The following PRKG1 variants were observed in gnomAD, a reference collection of about 807,000 sequenced individuals.
PRKG1 encodes protein kinase cGMP-dependent 1.
In PRKG1, 35 loss-of-function variants were observed where a neutral mutation model predicts 88.1. The ratio of observed to expected loss-of-function variants is 0.40; its 90% confidence interval spans 0.30 to 0.53. The LOEUF is 0.53. Ranked by LOEUF, PRKG1 falls within the 20% of genes least tolerant of loss-of-function variation. The pLI, the probability that PRKG1 is intolerant of heterozygous loss-of-function variation, is 0.59. For missense variants in PRKG1, 540 were observed against 839.8 expected, an observed-to-expected ratio of 0.64 and a Z score of 4.41; for synonymous variants, 303 against 292.5, an observed-to-expected ratio of 1.04 and a Z score of -0.37.
intron 3 of PRKG1, among the ~76,000 whole-genome samples, chr10:51,520,235 G>A (rs369803142): frequency 1.3e-5 from 2 of 148,458 alleles, no homozygotes; most frequent in African/African-American, 2.5e-5. Context: ...TGTATATTGT[G>A]TATATACATA....
chr10:52,144,655 A>C (rs1186790252), intron 8 of PRKG1, among the ~76,000 whole-genome samples: 1 of 152,094 alleles, frequency 6.6e-6, no homozygotes, highest in African/African-American at 2.4e-5. Context: ...AACCAAAAAT[A>C]CAAAAATTAG....
At chr10:51,819,179 G>A (rs1379166535) in intron 4 of PRKG1, among the ~76,000 whole-genome samples, 1 of 152,052 alleles carries the variant, frequency 6.6e-6, no homozygotes. Context: ...GGTGGAAGGT[G>A]AAGGGGAGAA....
chr10:52,211,580 C>T (rs534041530), intron 9 of PRKG1, among the ~76,000 whole-genome samples: 11 of 151,158 alleles, frequency 7.3e-5, no homozygotes, highest in African/African-American at 2.2e-4. Context: ...AATAGATTTT[C>T]ACAATATATA....
At chr10:51,530,675 G>A (rs1034143017) in intron 3 of PRKG1, among the ~76,000 whole-genome samples, 2 of 152,146 alleles carry the variant, frequency 1.3e-5, no homozygotes, top group East Asian at 3.8e-4. Flanking sequence ...TGGGTCCCAT[G>A]TGCCTTAATG....
At position 50,994,442 on chromosome 10, in the gene PRKG1, C is replaced by A. The variant is rs1842813072; in HGVS notation, c.266+2798C>A. Among the ~76,000 whole-genome samples the A allele has an allele frequency of 2.5e-5, 3 of 121,408 alleles. 1 individual carries two copies. In the South Asian group the frequency reaches 8.3e-4, roughly 33 times the overall value. The allele number at this position is 121,408 out of a possible 152,430, so 79.6% of individuals were successfully genotyped here. ...TTTTTTTTTTTGAGGCGGAGTCTCG[C>A]TCTGTCGCCCAGGCTGGAGTGGAGT... On this transcript the variant is annotated intron_variant, in intron 1 of 17. Transcript: ENST00000401604.
chr10:51,497,079 C>A (rs10997802), intron 3 of PRKG1, among the ~76,000 whole-genome samples: 40,546 of 151,988 alleles, frequency 0.27, 5,734 homozygotes, highest in Admixed American at 0.36. Flanking sequence ...TGAATGAGAG[C>A]TCTGAGTTTT....
intron 5 of PRKG1, among the ~76,000 whole-genome samples, chr10:51,955,959 G>A (rs956844231): frequency 1.3e-5 from 2 of 152,094 alleles, no homozygotes; most frequent in Non-Finnish European, 2.9e-5. Context: ...AAGTACAGAT[G>A]AAGATTAAAA....
chr10:51,428,259 A>G (rs1299925375), intron 2 of PRKG1, among the ~76,000 whole-genome samples: 1 of 152,196 alleles, frequency 6.6e-6, no homozygotes, highest in East Asian at 1.9e-4. Context: ...AACTGAGGTA[A>G]TTTAGGAATA....
chr10:51,810,214 T>C (rs984366535), intron 4 of PRKG1, among the ~76,000 whole-genome samples: 2 of 152,232 alleles, frequency 1.3e-5, no homozygotes, highest in Admixed American at 1.3e-4. Flanking sequence ...TCACAGACTT[T>C]GAAGATTTTT....
intron 9 of PRKG1, among the ~76,000 whole-genome samples, chr10:52,215,492 A>G (rs1840088689): frequency 6.6e-6 from 1 of 152,226 alleles, no homozygotes; most frequent in Admixed American, 6.5e-5. Flanking sequence ...TAAAGCAACA[A>G]GAAAATAAAA....
intron 5 of PRKG1, among the ~76,000 whole-genome samples, chr10:52,007,351 A>C (rs777658357): frequency 6.6e-6 from 1 of 151,780 alleles, no homozygotes; most frequent in Admixed American, 6.6e-5. Context: ...TAAAGAAATG[A>C]GACCAAATGT....
intron 2 of PRKG1, among the ~76,000 whole-genome samples, chr10:51,385,729 C>A (rs949466487): frequency 6.6e-6 from 1 of 152,164 alleles, no homozygotes; most frequent in Admixed American, 6.5e-5. Context: ...TTTTTAGCCA[C>A]CCAGACTCTG....
intron 5 of PRKG1, among the ~76,000 whole-genome samples, chr10:51,978,168 GCTAGTTATTC>G (rs1843896263): frequency 2.0e-5 from 3 of 151,752 alleles, no homozygotes; most frequent in African/African-American, 7.3e-5. Context: ...GCTGTGACTA[GCTAGTTATTC>G]CAGCACCATT....
chr10:51,289,007 A>G (rs751175504), intron 2 of PRKG1, among the ~76,000 whole-genome samples: 3 of 152,156 alleles, frequency 2.0e-5, no homozygotes, highest in Non-Finnish European at 4.4e-5. Context: ...TTAGACTCTT[A>G]TTATCTAGAA....
At chr10:51,627,992 C>T (rs1449069899) in intron 3 of PRKG1, among the ~76,000 whole-genome samples, 5 of 29,680 alleles carry the variant, frequency 1.7e-4, no homozygotes, top group African/African-American at 2.9e-4. Context: ...TTCTTTCTTT[C>T]TCTCTCTCTC....
Position 51,567,250 on chromosome 10 carries a change from G to T in PRKG1, c.592+99414G>T, listed in dbSNP as rs187138290. Among the ~76,000 whole-genome samples the T allele has an allele frequency of 3.0e-3, 450 of 152,092 alleles. 1 individual carries two copies. The highest frequency in any genetic ancestry group is 0.011 in the African/African-American group (436 of 41,516). On this transcript the variant is annotated intron_variant, in intron 3 of 17. Coordinates refer to ENST00000373980, the MANE Select transcript of PRKG1 (RefSeq NM_006258.4). Reference sequence around the variant, plus strand: ...ATAATGTAGTAGGCTGATGGTTGGGGTGGGAGAGATGAACCACTTTTTCAT... The same window carrying T: ...ATAATGTAGTAGGCTGATGGTTGGGTTGGGAGAGATGAACCACTTTTTCAT...
intron 7 of PRKG1, among the ~76,000 whole-genome samples, chr10:52,090,860 C>A (rs1183172672): frequency 6.6e-6 from 1 of 152,112 alleles, no homozygotes; most frequent in Non-Finnish European, 1.5e-5. Flanking sequence ...ATGATCAAAC[C>A]AGTCCATTTT....
intron 1 of PRKG1, among the ~76,000 whole-genome samples, chr10:51,014,272 C>T (rs1004785836): frequency 6.6e-6 from 1 of 151,074 alleles, no homozygotes; most frequent in East Asian, 1.9e-4. Flanking sequence ...GTTGACAAAA[C>T]AAGTGTTGTT....
intron 5 of PRKG1, among the ~76,000 whole-genome samples, chr10:52,046,511 C>T (rs192947058): frequency 2.3e-4 from 35 of 151,710 alleles, no homozygotes; most frequent in Non-Finnish European, 4.7e-4. Flanking sequence ...ATAGGTATAT[C>T]ATGATTACAA....
Sources: gnomAD v4.1 joint callset for allele counts (sites outside exome capture counted in the v4.1 genomes callset) on GRCh38, gnomAD v4.1.1 for gene constraint, MANE v1.5 for transcripts, NCBI Gene and HGNC (gene_info 2026-07-23, HGNC 2026-07-21) for gene names.